The following RORB variants were observed in gnomAD, a reference collection of about 807,000 sequenced individuals.
RORB encodes the protein nuclear receptor ROR-beta.
RORB carries 6 observed loss-of-function variants against 59.1 expected under a neutral mutation model. The observed-to-expected ratio is 0.10, with a 90% CI of 0.06 to 0.20. The LOEUF (loss-of-function observed/expected upper bound fraction) is 0.20, where lower values mean the gene tolerates loss of function less well. Ranked by LOEUF, RORB falls within the 10% of genes least tolerant of loss-of-function variation. The pLI is 1.00. For missense variants in RORB, 320 were observed against 560.5 expected (o/e 0.57, Z 4.33); for synonymous variants, 215 against 204.5 (o/e 1.05, Z -0.44).
intron 1 of RORB, among the ~76,000 whole-genome samples, chr9:74,601,696 A>G (rs1296075065): frequency 6.6e-6 from 1 of 152,182 alleles, no homozygotes; most frequent in Non-Finnish European, 1.5e-5. Context: ...TAGAAATCCT[A>G]TTTGCCCACC....
chr9:74,571,412 A>C lies in RORB; in HGVS notation c.8-58870A>C, dbSNP rs185593118. On this transcript the variant is annotated intron_variant, in intron 1 of 9. Coordinates refer to ENST00000376896, the MANE Select transcript of RORB (RefSeq NM_006914.4). Reference sequence around the variant, plus strand: ...TTGCTACTTTCCTTTAAAAAAAAAAAAAAAACACAGTTTTAATTACTAGAG... The same window carrying C: ...TTGCTACTTTCCTTTAAAAAAAAAACAAAAACACAGTTTTAATTACTAGAG... 3.3e-5 allele frequency among the ~76,000 whole-genome samples: 5 copies of C among 152,020 alleles called. No homozygotes were observed. In the East Asian group the frequency reaches 5.8e-4, roughly 18 times the overall value.
chr9:74,530,375 T>C lies in RORB; in HGVS notation c.7+32392T>C, dbSNP rs147921680. Among the ~76,000 whole-genome samples, 183 of 152,144 alleles carry C rather than the reference T, an allele frequency of 1.2e-3. 3 individuals carry two copies. The highest frequency in any genetic ancestry group is 4.1e-3 in the African/African-American group (172 of 41,562). On this transcript the variant is annotated intron_variant, in intron 1 of 9. Coordinates refer to ENST00000376896, the MANE Select transcript of RORB (RefSeq NM_006914.4). ...CCAGTATCTGTAAAGGTGACACTGG[T>C]CATGTTATGGATGCTGCTGTGAAAA... is the stretch of plus-strand genomic sequence containing the variant.
chr9:74,553,413 G>A (rs1826642286), intron 1 of RORB, among the ~76,000 whole-genome samples: 1 of 152,198 alleles, frequency 6.6e-6, no homozygotes. Context: ...GAGACCCGGA[G>A]TAGTAAAATT....
chr9:74,553,240 A>C (rs913540950), intron 1 of RORB, among the ~76,000 whole-genome samples: 4 of 152,142 alleles, frequency 2.6e-5, no homozygotes, highest in African/African-American at 7.2e-5. Context: ...CTGAATCTGG[A>C]GCCACCAGAT....
intron 7 of RORB, among the ~76,000 whole-genome samples, chr9:74,666,602 C>A (rs1824270151): frequency 6.6e-6 from 1 of 151,514 alleles, no homozygotes; most frequent in Non-Finnish European, 1.5e-5. Flanking sequence ...CCCTGGTCAT[C>A]CATGGTGGTG....
intron 1 of RORB, 55 bp downstream of exon 1, chr9:74,498,038 CG>C: frequency 6.3e-7 from 1 of 1,592,952 alleles, no homozygotes. Context: ...TCCAGCCAGA[CG>C]GGGAGATGGG....
rs1365631920 is a variant in RORB, at chr9:74,543,626, T to C, written c.7+45643T>C. ...GTTTAATTTTTTTTTTAATCTTCAA[T>C]TGATGGAGGAGGAACCAAAGGAGTT... On this transcript the variant is annotated intron_variant, in intron 1 of 9. Transcript: ENST00000376896. Among the ~76,000 whole-genome samples, 4 of 151,954 alleles carry C rather than the reference T, an allele frequency of 2.6e-5. No homozygotes were observed. In the East Asian group the frequency reaches 5.8e-4, roughly 22 times the overall value.
intron 1 of RORB, among the ~76,000 whole-genome samples, chr9:74,622,666 A>G: frequency 6.6e-6 from 1 of 151,754 alleles, no homozygotes; most frequent in African/African-American, 2.4e-5. Flanking sequence ...AGCTGGGACT[A>G]CAGGTGCGCA....
intron 1 of RORB, among the ~76,000 whole-genome samples, chr9:74,561,148 A>C (rs1281202139): frequency 6.6e-6 from 1 of 152,194 alleles, no homozygotes; most frequent in African/African-American, 2.4e-5. Context: ...GAATCAAATT[A>C]TAGGAGTGGA....
chr9:74,600,843 A>T (rs1366297363), intron 1 of RORB, among the ~76,000 whole-genome samples: 1 of 152,188 alleles, frequency 6.6e-6, no homozygotes, highest in East Asian at 1.9e-4. Context: ...TCTACAGACT[A>T]CTTCTATCTA....
intron 9 of RORB, among the ~76,000 whole-genome samples, chr9:74,679,273 A>C (rs1466799786): frequency 6.6e-6 from 1 of 152,150 alleles, no homozygotes; most frequent in Non-Finnish European, 1.5e-5. Flanking sequence ...TTTATACTTT[A>C]AAATGTCTAT....
In RORB at chr9:74,677,583, G is replaced by A. The variant is rs1824467266; in HGVS notation, c.1224+5682G>A. Among the ~76,000 whole-genome samples the A allele has an allele frequency of 1.3e-5, 2 of 152,144 alleles. 1 individual carries two copies. Among genetic ancestry groups the A allele is most frequent in the South Asian group, 4.1e-4 (2 of 4,828 alleles). The stretch of plus-strand genomic sequence containing the variant: ...CATTATATTTTTATTGGACATGGCT[G>A]ATCTAGAATCTCTGAGGTTCAGACG... On this transcript the variant is annotated intron_variant, in intron 9 of 9. Transcript: ENST00000376896.
At chr9:74,559,190 G>A (rs1039487194) in intron 1 of RORB, among the ~76,000 whole-genome samples, 8 of 152,168 alleles carry the variant, frequency 5.3e-5, no homozygotes, top group African/African-American at 1.9e-4. Flanking sequence ...CAAGGCACCA[G>A]ATCTCTGTAA....
intron 1 of RORB, among the ~76,000 whole-genome samples, chr9:74,545,807 G>A (rs1397588716): frequency 1.3e-5 from 2 of 150,142 alleles, no homozygotes; most frequent in Admixed American, 1.3e-4. Flanking sequence ...TTACCTGACA[G>A]TTTTTTTTTT....
Position 74,673,093 on chromosome 9 carries a change from G to C in RORB, c.1224+1192G>C, listed in dbSNP as rs543009199. On this transcript the variant is annotated intron_variant, in intron 9 of 9. Transcript: ENST00000376896. ...TTATAGAGCAATAGTTCTCTTTCAC[G>C]TAACTTTTCATTTATTAGGTGGTCA... Among the ~76,000 whole-genome samples, 12 of 152,210 alleles carry C rather than the reference G, an allele frequency of 7.9e-5. No homozygotes were observed. The South Asian group carries it at 1.7e-3, about 21-fold the overall frequency.
At chr9:74,610,781 G>A (rs1480379711) in intron 1 of RORB, among the ~76,000 whole-genome samples, 1 of 152,198 alleles carries the variant, frequency 6.6e-6, no homozygotes, top group Non-Finnish European at 1.5e-5. Context: ...TGAAACATGA[G>A]CATGCCTCAG....
At chr9:74,684,402 T>A (rs1824601882) in intron 9 of RORB, among the ~76,000 whole-genome samples, 1 of 152,214 alleles carries the variant, frequency 6.6e-6, no homozygotes, top group Non-Finnish European at 1.5e-5. Flanking sequence ...GTCAGCCATA[T>A]GAGCTATCAT....
chr9:74,633,824 A>G (rs1326723682), intron 2 of RORB, among the ~76,000 whole-genome samples: 1 of 152,206 alleles, frequency 6.6e-6, no homozygotes. Flanking sequence ...GAGACCATTC[A>G]TTCAGTTTTT....
At chr9:74,609,370 C>A (rs546799713) in intron 1 of RORB, among the ~76,000 whole-genome samples, 12 of 152,050 alleles carry the variant, frequency 7.9e-5, no homozygotes, top group African/African-American at 2.7e-4. Context: ...ACTGTTGACC[C>A]TAGGAGGTAA....
Sources: allele counts gnomAD v4.1 joint callset (sites outside exome capture counted in the v4.1 genomes callset), GRCh38; gene constraint gnomAD v4.1.1; transcripts MANE v1.5; gene names NCBI Gene and HGNC (gene_info 2026-07-23, HGNC 2026-07-21).